UNC79: variants seen among roughly 807,000 people sequenced by gnomAD.
The protein encoded by UNC79 is unc-79 subunit of NALCN channel complex, also known as protein unc-79 homolog.
UNC79 carries 37 observed loss-of-function variants against 283.1 expected under a neutral mutation model. The observed-to-expected ratio is 0.13, with a 90% CI of 0.10 to 0.17. The LOEUF (loss-of-function observed/expected upper bound fraction) is 0.17, where lower values mean the gene tolerates loss of function less well. Among genes scored for constraint, UNC79 ranks in the 10% least tolerant of loss-of-function variants. The probability of loss-of-function intolerance (pLI) is 1.00; values close to 1 mark genes in which losing one functional copy is unlikely to be tolerated. For missense variants in UNC79, 2,272 were observed against 3,211.1 expected, an observed-to-expected ratio of 0.71 and a Z score of 7.07; for synonymous variants, 1,107 against 1,200.2, an observed-to-expected ratio of 0.92 and a Z score of 1.61.
chr14:93,366,258 A>AT (rs1253646276), intron 1 of UNC79, among the ~76,000 whole-genome samples: 1 of 152,158 alleles, frequency 6.6e-6, no homozygotes, highest in Non-Finnish European at 1.5e-5. Context: ...CTGAGCAAAG[A>AT]TTTTTTAAAA....
chr14:93,697,246 C>T (rs1379587633), intron 47 of UNC79, among the ~76,000 whole-genome samples: 1 of 152,116 alleles, frequency 6.6e-6, no homozygotes, highest in African/African-American at 2.4e-5. Context: ...AGTGATTCTC[C>T]TGCCTCAGCC....
At chr14:93,430,245 C>T (rs1177841790), upstream of UNC79, 1 of 152,942 alleles carries the variant, frequency 6.5e-6, no homozygotes, top group Non-Finnish European at 1.5e-5. The surrounding 1 kb of genome is among the most constrained non-coding windows in gnomAD (Gnocchi z 4.6). Context: ...TCAGCCCCAA[C>T]TTCTAAAGTC....
chr14:93,489,410 A>T (rs2058614999), intron 5 of UNC79, among the ~76,000 whole-genome samples: 1 of 152,150 alleles, frequency 6.6e-6, no homozygotes, highest in South Asian at 2.1e-4. Context: ...ATACCATCTA[A>T]ATCAGATATG....
intron 32 of UNC79, among the ~76,000 whole-genome samples, chr14:93,639,744 T>C (rs1043686534): frequency 1.3e-5 from 2 of 152,242 alleles, no homozygotes; most frequent in Non-Finnish European, 1.5e-5. Context: ...TGGAAGCATC[T>C]TGACTTTTCA....
At chr14:93,414,187 C>T (rs1488666154) in intron 1 of UNC79, among the ~76,000 whole-genome samples, 1 of 151,970 alleles carries the variant, frequency 6.6e-6, no homozygotes. Flanking sequence ...TTTAATCCAT[C>T]TTGAATTAAT....
chr14:93,658,794 T>G (rs1434439841), intron 38 of UNC79, among the ~76,000 whole-genome samples: 1 of 152,190 alleles, frequency 6.6e-6, no homozygotes, highest in African/African-American at 2.4e-5. Flanking sequence ...TGCATCTCTT[T>G]AGAATTAGAT....
intron 39 of UNC79, 59 bp downstream of exon 42, chr14:93,659,320 AG>A (rs2071282197): frequency 1.4e-6 from 2 of 1,385,204 alleles, no homozygotes; most frequent in East Asian, 4.6e-5. Flanking sequence ...TAACCTAATG[AG>A]ATAGGCTTGT....
At chr14:93,676,813 C>T (rs1288259766) in intron 41 of UNC79, among the ~76,000 whole-genome samples, 1 of 152,074 alleles carries the variant, frequency 6.6e-6, no homozygotes, top group Non-Finnish European at 1.5e-5. Context: ...GAATAAATAA[C>T]AAAAACAAAT....
chr14:93,508,399 C>T (rs966758265), intron 7 of UNC79, among the ~76,000 whole-genome samples: 1 of 152,094 alleles, frequency 6.6e-6, no homozygotes, highest in African/African-American at 2.4e-5. Flanking sequence ...ACAACAACAA[C>T]AAAAAGAATT....
At chr14:93,425,803 A>G (rs924996327), upstream of UNC79, among the ~76,000 whole-genome samples, 2 of 152,244 alleles carry the variant, frequency 1.3e-5, no homozygotes, top group Non-Finnish European at 2.9e-5. Context: ...AACCTTGGGC[A>G]TAGGAAAGCA....
chr14:93,508,982 A>T (rs1451828402), intron 7 of UNC79, among the ~76,000 whole-genome samples: 1 of 152,216 alleles, frequency 6.6e-6, no homozygotes, highest in African/African-American at 2.4e-5. Flanking sequence ...TTGTTAATTT[A>T]TAAAGAAAAG....
intron 1 of UNC79, among the ~76,000 whole-genome samples, chr14:93,435,437 T>C (rs1235551963): frequency 6.6e-6 from 1 of 152,160 alleles, no homozygotes; most frequent in Non-Finnish European, 1.5e-5. Flanking sequence ...CAGGAATCTG[T>C]CATTAGTCCT....
intron 1 of UNC79, among the ~76,000 whole-genome samples, chr14:93,368,622 C>T (rs1039668601): frequency 6.6e-6 from 1 of 152,022 alleles, no homozygotes; most frequent in African/African-American, 2.4e-5. Flanking sequence ...AGGTGCATGC[C>T]ACCACACCCA....
intron 40 of UNC79, 93 bp downstream of exon 43, chr14:93,662,807 T>C (rs2071741427): frequency 5.6e-6 from 5 of 893,548 alleles, no homozygotes; most frequent in Non-Finnish European, 8.4e-6. Flanking sequence ...TTAGCTCAGT[T>C]GCTTCCATAT....
intron 20 of UNC79, among the ~76,000 whole-genome samples, chr14:93,583,637 C>G (rs1226743736): frequency 1.3e-5 from 2 of 152,126 alleles, no homozygotes; most frequent in Non-Finnish European, 2.9e-5. Flanking sequence ...CACTGGTTTT[C>G]GGTGTGCACT....
At chr14:93,514,031 A>C (rs985431211) in intron 7 of UNC79, among the ~76,000 whole-genome samples, 1 of 152,238 alleles carries the variant, frequency 6.6e-6, no homozygotes, top group African/African-American at 2.4e-5. Flanking sequence ...CTACTTTAGG[A>C]AACTAGAGAA....
chr14:93,368,762 G>GT (rs2139960069), intron 1 of UNC79, among the ~76,000 whole-genome samples: 1 of 152,242 alleles, frequency 6.6e-6, no homozygotes, highest in Admixed American at 6.5e-5. Flanking sequence ...ATGAGCCACT[G>GT]TGCCTGGCTC....
At chr14:93,369,591 A>G (rs1335767070) in intron 1 of UNC79, among the ~76,000 whole-genome samples, 1 of 152,240 alleles carries the variant, frequency 6.6e-6, no homozygotes, top group East Asian at 1.9e-4. Flanking sequence ...TTGGCATATT[A>G]GTAGAGGCTC....
chr14:93,392,006 G>C (rs771085699), intron 1 of UNC79, among the ~76,000 whole-genome samples: 2 of 152,182 alleles, frequency 1.3e-5, no homozygotes, highest in African/African-American at 4.8e-5. Context: ...ACAACAATTT[G>C]GAAAACAGTT....
Sources: allele counts gnomAD v4.1 joint callset (sites outside exome capture counted in the v4.1 genomes callset), GRCh38; gene constraint gnomAD v4.1.1; non-coding constraint Gnocchi (gnomAD v3.1); transcripts MANE v1.5; gene names NCBI Gene and HGNC (gene_info 2026-07-23, HGNC 2026-07-21).